CSMD3: variants seen among roughly 807,000 people sequenced by gnomAD.
CSMD3 encodes the protein CUB and sushi domain-containing protein 3.
A neutral mutation model predicts 435.2 loss-of-function variants in CSMD3; 177 were observed. The observed-to-expected ratio is 0.41, with a 90% confidence interval of 0.36 to 0.46. The LOEUF (loss-of-function observed/expected upper bound fraction) is 0.46, where lower values mean the gene tolerates loss of function less well. Among genes scored for constraint, CSMD3 ranks in the 20% least tolerant of loss-of-function variants. CSMD3 has a pLI of 0.34. For synonymous variants in CSMD3, 1,656 were observed against 1,520.5 expected (o/e 1.09, Z -2.07); for missense variants, 4,265 against 4,504.6 (o/e 0.95, Z 1.52).
At chr8:112,612,989 C>G (rs1032565733) in intron 22 of CSMD3, among the ~76,000 whole-genome samples, 1 of 151,726 alleles carries the variant, frequency 6.6e-6, no homozygotes, top group Non-Finnish European at 1.5e-5. Flanking sequence ...CCAGACTCAC[C>G]TTGAATTTCT....
At chr8:112,544,424 G>T (rs1314273166) in intron 27 of CSMD3, among the ~76,000 whole-genome samples, 1 of 151,990 alleles carries the variant, frequency 6.6e-6, no homozygotes, top group Non-Finnish European at 1.5e-5. Flanking sequence ...CTCTTCACTA[G>T]CCTATAAAAT....
intron 6 of CSMD3, among the ~76,000 whole-genome samples, chr8:113,002,182 C>T (rs2085888999): frequency 1.3e-5 from 2 of 152,188 alleles, no homozygotes; most frequent in African/African-American, 4.8e-5. Flanking sequence ...TCTAGAATTT[C>T]ATTTAACACA....
At chr8:112,757,080 T>A (rs549030907) in intron 13 of CSMD3, among the ~76,000 whole-genome samples, 1 of 152,036 alleles carries the variant, frequency 6.6e-6, no homozygotes, top group Non-Finnish European at 1.5e-5. Context: ...TCCCTTCTTA[T>A]TTTGAGTTAC....
chr8:112,663,887 G>A (rs1196906477), intron 17 of CSMD3, among the ~76,000 whole-genome samples: 1 of 152,092 alleles, frequency 6.6e-6, no homozygotes, highest in Non-Finnish European at 1.5e-5. Context: ...TATTATGTAG[G>A]TTGATTCTGG....
chr8:112,340,613 T>TATTTTAGTTTAGTTTAGTTTAGTTTAG (rs1824998053), intron 42 of CSMD3, among the ~76,000 whole-genome samples: 4 of 152,276 alleles, frequency 2.6e-5, no homozygotes, highest in African/African-American at 9.6e-5. Flanking sequence ...TTAGTTTATT[T>TATTTTAGTTTAGTTTAGTTTAGTTTAG]TGATTAAAAA....
rs771193575 is a variant in CSMD3 at position 112,352,523 on chromosome 8, C to T, written c.6148G>A (p.Asp2050Asn). ...FHLEYTAIGLDSCPEPQTPSS... is the reference protein window; with the variant it reads ...FHLEYTAIGLNSCPEPQTPSS... ...GGAGTTTGTGGTTCAGGACAGGAATCCAAACCAATTGCTAAGAATATTTAA... is the reference window on the plus strand; with the variant it reads ...GGAGTTTGTGGTTCAGGACAGGAATTCAAACCAATTGCTAAGAATATTTAA... Residue 2050 changes from aspartate (D) to asparagine (N), a missense_variant, in exon 39 of 71, where the codon GAT (aspartate) becomes AAT (asparagine). Asp to Asn is a conservative substitution (Grantham distance 23, BLOSUM62 1). Around this residue, in one of 3 missense-constraint regions of CSMD3, gnomAD observed 3,255 missense variants for 3,380.2 expected, o/e 0.96. Coordinates refer to ENST00000297405, the MANE Select transcript of CSMD3 (RefSeq NM_198123.2). The T allele has an allele frequency of 1.2e-6, 2 of 1,611,788 alleles. No homozygotes were observed. The highest frequency in any genetic ancestry group is 2.2e-5 in the South Asian group (2 of 91,030).
At chr8:113,029,892 GA>G (rs914077131) in intron 5 of CSMD3, among the ~76,000 whole-genome samples, 7 of 151,302 alleles carry the variant, frequency 4.6e-5, no homozygotes, top group African/African-American at 1.7e-4. Context: ...GACTCCTCCA[GA>G]AAGCTCCTAG....
At chr8:113,205,103 C>T (rs2092756497) in intron 3 of CSMD3, among the ~76,000 whole-genome samples, 1 of 151,986 alleles carries the variant, frequency 6.6e-6, no homozygotes, top group South Asian at 2.1e-4. Context: ...CATGCCTCAG[C>T]CTCCCAAGTA....
chr8:112,685,777 T>C, intron 14 of CSMD3, 45 bp from the exon 15 acceptor site: 1 of 1,166,506 alleles, frequency 8.6e-7, no homozygotes, highest in Non-Finnish European at 1.3e-6. Context: ...TATTCAAAAA[T>C]AATATTTCAT....
intron 45 of CSMD3, among the ~76,000 whole-genome samples, chr8:112,333,543 C>T (rs1289017081): frequency 6.6e-6 from 1 of 152,078 alleles, no homozygotes; most frequent in Non-Finnish European, 1.5e-5. Flanking sequence ...TCAAGTGAAA[C>T]ATTTTGAAAT....
At position 112,770,394 on chromosome 8, in the gene CSMD3, T is replaced by C. The variant is rs768463847; in HGVS notation, c.1972+29768A>G. Among the ~76,000 whole-genome samples the C allele has an allele frequency of 7.2e-5, 11 of 152,126 alleles. No individual in the cohort carries two copies. The East Asian group carries it at 2.1e-3, about 30-fold the overall frequency. On this transcript the variant is annotated intron_variant, in intron 13 of 70. Transcript: ENST00000297405. ...AGAGGATGAAGCGTTCAAGGCACCA[T>C]CTTGGAAACAGATACTTTATTCCCA...
chr8:113,215,557 AG>A (rs2092894213), intron 3 of CSMD3, among the ~76,000 whole-genome samples: 1 of 151,930 alleles, frequency 6.6e-6, no homozygotes, highest in Non-Finnish European at 1.5e-5. Context: ...AATTTCAGAC[AG>A]ACTTTGGATC....
intron 22 of CSMD3, among the ~76,000 whole-genome samples, chr8:112,593,982 A>AT (rs1456174898): frequency 2.0e-5 from 3 of 152,128 alleles, no homozygotes; most frequent in Non-Finnish European, 2.9e-5. Flanking sequence ...GTACATTTAT[A>AT]TTTTAAGTGA....
chr8:112,796,607 C>A (rs944228273), intron 13 of CSMD3, among the ~76,000 whole-genome samples: 2 of 151,804 alleles, frequency 1.3e-5, no homozygotes, highest in Non-Finnish European at 2.9e-5. Context: ...GTTAATGTGT[C>A]CATTGAAAAG....
At chr8:112,905,994 G>C (rs755862013) in intron 10 of CSMD3, among the ~76,000 whole-genome samples, 14 of 151,408 alleles carry the variant, frequency 9.2e-5, no homozygotes, top group Non-Finnish European at 1.8e-4. Context: ...AAAGGCCAGA[G>C]AGCTAGCTCT....
chr8:112,242,165 G>C (rs1462394760), intron 65 of CSMD3, among the ~76,000 whole-genome samples: 1 of 152,046 alleles, frequency 6.6e-6, no homozygotes, highest in Non-Finnish European at 1.5e-5. Flanking sequence ...AAAACTATTT[G>C]GGTAGGGTTT....
chr8:112,976,968 CAT>C (rs1363381751), intron 6 of CSMD3, among the ~76,000 whole-genome samples: 8 of 151,780 alleles, frequency 5.3e-5, no homozygotes, highest in East Asian at 1.9e-4. Context: ...TATATGTGCG[CAT>C]GTGTGTGTGT....
chr8:112,758,797 C>G (rs1434002894), intron 13 of CSMD3, among the ~76,000 whole-genome samples: 2 of 152,088 alleles, frequency 1.3e-5, no homozygotes, highest in Non-Finnish European at 1.5e-5. Flanking sequence ...TGGTATCTCA[C>G]ACATGAAAAG....
intron 14 of CSMD3, among the ~76,000 whole-genome samples, chr8:112,687,493 A>G (rs960681872): frequency 6.6e-6 from 1 of 152,098 alleles, no homozygotes; most frequent in Non-Finnish European, 1.5e-5. Context: ...ATTTCTTACA[A>G]TCTTTTAGCA....
Sources: gnomAD v4.1 joint callset for allele counts (sites outside exome capture counted in the v4.1 genomes callset) on GRCh38, gnomAD v4.1.1 for gene constraint, gnomAD v4.1.1 regional missense constraint, MANE v1.5 for transcripts, NCBI Gene and HGNC (gene_info 2026-07-23, HGNC 2026-07-21) for gene names.